The following MAEA variants were observed in gnomAD, a reference collection of about 807,000 sequenced individuals.
MAEA encodes macrophage erythroblast attacher, E3 ubiquitin ligase.
In MAEA, 22 loss-of-function variants were observed where a neutral mutation model predicts 46.2. The observed-to-expected ratio is 0.48, with a 90% CI of 0.34 to 0.68. The LOEUF (loss-of-function observed/expected upper bound fraction) is 0.68. MAEA is among the 30% of genes least tolerant of loss of function. MAEA has a pLI of 0.01. For synonymous variants in MAEA, 246 were observed against 222.6 expected, an observed-to-expected ratio of 1.11 and a Z score of -0.94; for missense variants, 393 against 558.1, an observed-to-expected ratio of 0.70 and a Z score of 2.98.
chr4:1,313,735 T>G (rs1736796209), intron 2 of MAEA, among the ~76,000 whole-genome samples: 1 of 150,106 alleles, frequency 6.7e-6, no homozygotes. Flanking sequence ...AAAAAAAGTT[T>G]GAAAGTCTCT....
chr4:1,312,310 C>T, intron 2 of MAEA, 149 bp downstream of exon 2: 1 of 820,540 alleles, frequency 1.2e-6, no homozygotes, highest in Non-Finnish European at 1.9e-6. Flanking sequence ...CTTCTGGGGC[C>T]ACTGTCGGCT....
intron 7 of MAEA, chr4:1,337,575 T>C (rs973843707): frequency 5.8e-5 from 10 of 173,144 alleles, no homozygotes; most frequent in Non-Finnish European, 1.1e-4. Flanking sequence ...TTGTGACTGA[T>C]TCCTTCCTGT....
intron 1 of MAEA, among the ~76,000 whole-genome samples, chr4:1,303,932 CGGCAGGGCAGGGTGGGGGTCG>C (rs1320124203): frequency 1.1e-4 from 3 of 26,824 alleles, no homozygotes; most frequent in African/African-American, 5.8e-4. Flanking sequence ...CAGGGGGGTC[CGGCAGGGCAGGGTGGGGGTCG>C]GGCAGGGCAG....
intron 1 of MAEA, among the ~76,000 whole-genome samples, chr4:1,304,873 C>T (rs1735683412): frequency 6.6e-6 from 1 of 152,196 alleles, no homozygotes; most frequent in South Asian, 2.1e-4. Flanking sequence ...AAATGTGTCT[C>T]ACGCTATACT....
At chr4:1,291,312 A>T (rs1047683868) in intron 1 of MAEA, among the ~76,000 whole-genome samples, 2 of 152,150 alleles carry the variant, frequency 1.3e-5, no homozygotes, top group African/African-American at 4.8e-5. Flanking sequence ...ATGGTTTCGC[A>T]GTGGGGTTTC....
chr4:1,296,593 C>T (rs1734749408), intron 1 of MAEA, among the ~76,000 whole-genome samples: 1 of 151,624 alleles, frequency 6.6e-6, no homozygotes, highest in Non-Finnish European at 1.5e-5. Context: ...TGTGCAGCTC[C>T]CTGGTGTGCA....
chr4:1,321,351 A>G (rs2108954226), intron 3 of MAEA, among the ~76,000 whole-genome samples: 1 of 152,362 alleles, frequency 6.6e-6, no homozygotes, highest in South Asian at 2.1e-4. Flanking sequence ...AAGGGGTTTC[A>G]GAAACGAGAA....
intron 1 of MAEA, among the ~76,000 whole-genome samples, chr4:1,295,153 G>GCC (rs1458012868): frequency 5.3e-5 from 8 of 152,080 alleles, no homozygotes; most frequent in African/African-American, 1.9e-4. Context: ...GCATGTGACT[G>GCC]CCCCGTCTGC....
At chr4:1,332,935 C>G (rs1712041439) in intron 6 of MAEA, 70 bp downstream of exon 6, 1 of 1,210,592 alleles carries the variant, frequency 8.3e-7, no homozygotes, top group South Asian at 1.4e-5. Context: ...TGGTCTGTAG[C>G]TGCTTCCACA....
At chr4:1,315,223 C>T (rs1171784162) in intron 2 of MAEA, among the ~76,000 whole-genome samples, 174 bp from the exon 3 acceptor site, 1 of 152,168 alleles carries the variant, frequency 6.6e-6, no homozygotes, top group East Asian at 1.9e-4. Flanking sequence ...CCGTCTGCAG[C>T]TCTTGGGCCA....
chr4:1,315,964 AC>A (rs899099883), intron 3 of MAEA, among the ~76,000 whole-genome samples: 1 of 129,176 alleles, frequency 7.7e-6, no homozygotes, highest in Non-Finnish European at 1.6e-5. Context: ...AGAGGCCCTG[AC>A]CCTTTGTGGA....
At chr4:1,309,391 C>T in intron 1 of MAEA, 2 of 1,249,482 alleles carry the variant, frequency 1.6e-6, no homozygotes, top group Non-Finnish European at 2.0e-6. Flanking sequence ...CTTTTAGGGC[C>T]CGGAGTCACG....
chr4:1,313,942 G>C (rs1204035406), intron 2 of MAEA, among the ~76,000 whole-genome samples: 1 of 150,438 alleles, frequency 6.6e-6, no homozygotes, highest in Non-Finnish European at 1.5e-5. Flanking sequence ...GCTGAGGCAG[G>C]AGAATCGCTT....
chr4:1,315,000 G>C (rs1298041516), intron 2 of MAEA, among the ~76,000 whole-genome samples: 1 of 152,100 alleles, frequency 6.6e-6, no homozygotes, highest in Non-Finnish European at 1.5e-5. Flanking sequence ...TTTCTATCTA[G>C]CCCGATTCAT....
chr4:1,322,000 C>T (rs1189814806), intron 3 of MAEA, among the ~76,000 whole-genome samples: 2 of 151,852 alleles, frequency 1.3e-5, no homozygotes, highest in African/African-American at 4.8e-5. Flanking sequence ...AATGAGGGGG[C>T]TGCCCAGGGA....
At chr4:1,320,962 T>C (rs1305143375) in intron 3 of MAEA, among the ~76,000 whole-genome samples, 9 of 152,112 alleles carry the variant, frequency 5.9e-5, no homozygotes, top group Non-Finnish European at 1.3e-4. Flanking sequence ...TAGCCGGGCG[T>C]GGTGGCAGGC....
At position 1,312,178 on chromosome 4, in the gene MAEA, G is replaced by A. The variant is rs149537490; in HGVS notation, c.252+17G>A. ...AAGAGGAAGGTTGGTCCCGCCTGGC[G>A]GTCCCTCTTCAGTCTGGGGCATGGA... On this transcript the variant is annotated intron_variant, in intron 2 of 8. Transcript: ENST00000303400. The A allele has an allele frequency of 1.1e-4, 184 of 1,613,514 alleles. No individual in the cohort carries two copies. The highest frequency in any genetic ancestry group is 1.4e-4 in the Non-Finnish European group (165 of 1,179,864).
chr4:1,325,932 G>A (rs1347914596), intron 4 of MAEA, among the ~76,000 whole-genome samples: 2 of 152,166 alleles, frequency 1.3e-5, no homozygotes, highest in East Asian at 1.9e-4. Flanking sequence ...TGAGTTCTGC[G>A]TCCAGCCTGT....
chr4:1,333,185 T>C (rs1712074525), intron 6 of MAEA, among the ~76,000 whole-genome samples: 1 of 151,936 alleles, frequency 6.6e-6, no homozygotes, highest in South Asian at 2.1e-4. Flanking sequence ...AAAAAATTTT[T>C]TTGAAAATTA....
Sources: gnomAD v4.1 joint callset for allele counts (sites outside exome capture counted in the v4.1 genomes callset) on GRCh38, gnomAD v4.1.1 for gene constraint, MANE v1.5 for transcripts, NCBI Gene and HGNC (gene_info 2026-07-23, HGNC 2026-07-21) for gene names.